Variants in SP4 observed in about 807,000 individuals in gnomAD.
The protein encoded by SP4 is Sp4 transcription factor, also known as transcription factor Sp4.
SP4 carries 19 observed loss-of-function variants against 72.8 expected under a neutral mutation model. The observed-to-expected ratio is 0.26, with a 90% confidence interval of 0.18 to 0.38. SP4 has a LOEUF of 0.38. SP4 is among the 10% of genes least tolerant of loss of function. The pLI, the probability that SP4 is intolerant of heterozygous loss-of-function variation, is 1.00. For synonymous variants in SP4, 395 were observed against 333.1 expected, an observed-to-expected ratio of 1.19 and a Z score of -2.02; for missense variants, 1,008 against 926.3, an observed-to-expected ratio of 1.09 and a Z score of -1.14.
At chr7:21,482,201 T>G in intron 5 of SP4, 78 bp downstream of exon 5, 1 of 1,140,988 alleles carries the variant, frequency 8.8e-7, no homozygotes, top group Non-Finnish European at 1.3e-6. Flanking sequence ...AGTTTAGCTA[T>G]CAAATTGGAA....
chr7:21,450,673 G>T (rs570612154), intron 3 of SP4, among the ~76,000 whole-genome samples: 1 of 152,288 alleles, frequency 6.6e-6, no homozygotes, highest in South Asian at 2.1e-4. Flanking sequence ...GCTTAAACAG[G>T]ATATAACTTA....
At chr7:21,484,261 T>G (rs1261573973) in intron 5 of SP4, among the ~76,000 whole-genome samples, 1 of 151,938 alleles carries the variant, frequency 6.6e-6, no homozygotes, top group Non-Finnish European at 1.5e-5. Context: ...AATGCAATAC[T>G]TCGGGGATTC....
At chr7:21,473,462 A>G (rs373332937) in intron 3 of SP4, among the ~76,000 whole-genome samples, 129 of 152,330 alleles carry the variant, frequency 8.5e-4, no homozygotes, top group Middle Eastern at 3.4e-3. Flanking sequence ...AGGCACTGTT[A>G]CGGTACTAGA....
intron 5 of SP4, among the ~76,000 whole-genome samples, chr7:21,505,662 A>G (rs1781975463): frequency 6.6e-6 from 1 of 152,200 alleles, no homozygotes; most frequent in Non-Finnish European, 1.5e-5. Flanking sequence ...TTCATAGGGT[A>G]TCTTACTAAA....
intron 3 of SP4, among the ~76,000 whole-genome samples, chr7:21,448,828 A>G (rs561189461): frequency 2.6e-5 from 4 of 152,358 alleles, no homozygotes; most frequent in African/African-American, 9.6e-5. Context: ...TCTGTAACAT[A>G]TAACAATGCT....
chr7:21,473,314 A>T (rs1315835063), intron 3 of SP4, among the ~76,000 whole-genome samples: 1 of 152,198 alleles, frequency 6.6e-6, no homozygotes, highest in African/African-American at 2.4e-5. Context: ...TTCAGTGTGG[A>T]TAACAAGGAG....
At chr7:21,491,675 A>G (rs572725831) in intron 5 of SP4, among the ~76,000 whole-genome samples, 59 of 152,352 alleles carry the variant, frequency 3.9e-4, no homozygotes, top group Non-Finnish European at 7.3e-4. Context: ...ATACCGGGGA[A>G]CAAAAATTCA....
At chr7:21,482,795 T>C (rs1186480749) in intron 5 of SP4, 3 of 971,770 alleles carry the variant, frequency 3.1e-6, no homozygotes, top group Non-Finnish European at 3.7e-6. Context: ...AATTATAAAT[T>C]TCACTTGTTT....
intron 3 of SP4, among the ~76,000 whole-genome samples, chr7:21,432,093 A>G (rs1249218861): frequency 6.6e-6 from 1 of 152,246 alleles, no homozygotes; most frequent in Non-Finnish European, 1.5e-5. Context: ...ACCTAGCTAC[A>G]TGTGGCTGTT....
rs375130980 is a variant in SP4, at chr7:21,439,537, G to A, written c.1678+8694G>A. 1.1e-3 allele frequency among the ~76,000 whole-genome samples: 158 copies of A among 148,268 alleles called. 1 individual carries two copies. Among genetic ancestry groups the A allele is most frequent in the African/African-American group, 3.8e-3 (153 of 40,040 alleles). On this transcript the variant is annotated intron_variant, in intron 3 of 5. Coordinates refer to ENST00000222584, the MANE Select transcript of SP4 (RefSeq NM_003112.5). The stretch of plus-strand genomic sequence containing the variant: ...TCCTTTTTTTTTTTTTCCATGAACA[G>A]TCCTGCTGCAGTAGTCCCTTTCTTC...
chr7:21,428,336 C>A (rs1583363537), intron 1 of SP4, 78 bp downstream of exon 1: 3 of 746,532 alleles, frequency 4.0e-6, no homozygotes, highest in African/African-American at 1.7e-5. Flanking sequence ...CTCGGTTCTC[C>A]CCCCTCCCCC....
chr7:21,474,006 A>G lies in SP4; in HGVS notation c.1679-3073A>G, dbSNP rs73685146. Among the ~76,000 whole-genome samples, 951 of 152,328 alleles carry G rather than the reference A, an allele frequency of 6.2e-3. 15 individuals are homozygous for G. Among genetic ancestry groups the G allele is most frequent in the African/African-American group, 0.021 (888 of 41,566 alleles). On this transcript the variant is annotated intron_variant, in intron 3 of 5. Coordinates refer to ENST00000222584, the MANE Select transcript of SP4 (RefSeq NM_003112.5). ...AGATGAAGTCAATTAACGGGCTTCA[A>G]TATACAAACTCAAATATAATTTGCC...
Position 21,430,322 on chromosome 7 carries a change from C to T in SP4, c.1157C>T (p.Ala386Val). 5 of 1,614,220 alleles carry T rather than the reference C, an allele frequency of 3.1e-6. No homozygotes were observed. In the South Asian group the frequency reaches 3.3e-5, roughly 11 times the overall value. The change falls in exon 3 of 6, where the codon GCA (alanine) becomes GTA (valine). Residue 386 changes from alanine to valine, a missense_variant. Transcript: ENST00000222584. ...SQLQPNGMQN[A>V]QDQSNSLQQV... is the part of the protein sequence containing the mutation. ...CTTCAGCCTAATGGAATGCAGAATG[C>T]ACAGGATCAATCAAATTCTCTTCAG...
chr7:21,472,278 T>A (rs1784369588), intron 3 of SP4, among the ~76,000 whole-genome samples: 1 of 151,616 alleles, frequency 6.6e-6, no homozygotes, highest in South Asian at 2.1e-4. Flanking sequence ...TGTTTGATTG[T>A]TTGTTTGTTT....
chr7:21,454,436 T>C (rs1169721045), intron 3 of SP4, among the ~76,000 whole-genome samples: 2 of 152,150 alleles, frequency 1.3e-5, no homozygotes, highest in Admixed American at 1.3e-4. Context: ...CCTCTTTTTA[T>C]ACAACCATTT....
chr7:21,431,651 C>T (rs1782857891), intron 3 of SP4, among the ~76,000 whole-genome samples: 2 of 152,084 alleles, frequency 1.3e-5, no homozygotes, highest in African/African-American at 4.8e-5. Context: ...ATAAATAGCT[C>T]CTTCTGAAGT....
At chr7:21,499,755 G>A (rs561053105) in intron 5 of SP4, among the ~76,000 whole-genome samples, 1 of 152,098 alleles carries the variant, frequency 6.6e-6, no homozygotes, top group South Asian at 2.1e-4. Flanking sequence ...TATAAATATG[G>A]AGGTATATTA....
chr7:21,498,662 T>G (rs201758479), intron 5 of SP4, among the ~76,000 whole-genome samples: 2 of 152,180 alleles, frequency 1.3e-5, no homozygotes, highest in East Asian at 3.9e-4. Flanking sequence ...TGCGTGTAAC[T>G]TTTGACTCCC....
At chr7:21,441,164 G>C (rs1783233633) in intron 3 of SP4, among the ~76,000 whole-genome samples, 1 of 152,210 alleles carries the variant, frequency 6.6e-6, no homozygotes, top group South Asian at 2.1e-4. Context: ...TTTTCTGGTG[G>C]AGATAGGACT....
Sources: gnomAD v4.1 joint callset for allele counts (sites outside exome capture counted in the v4.1 genomes callset) on GRCh38, gnomAD v4.1.1 for gene constraint, MANE v1.5 for transcripts, NCBI Gene and HGNC (gene_info 2026-07-23, HGNC 2026-07-21) for gene names.